HNRNPA2B1: variants seen among roughly 807,000 people sequenced by gnomAD.
The protein encoded by HNRNPA2B1 is heterogeneous nuclear ribonucleoproteins A2/B1.
Under a neutral mutation model 46.3 loss-of-function variants are expected in HNRNPA2B1, and 3 were observed. The observed-to-expected ratio is 0.06, with a 90% CI of 0.03 to 0.17. The LOEUF (loss-of-function observed/expected upper bound fraction) is 0.17. Among genes scored for constraint, HNRNPA2B1 ranks in the 10% least tolerant of loss-of-function variants. HNRNPA2B1 has a pLI of 1.00. For missense variants in HNRNPA2B1, 221 were observed against 418.9 expected (o/e 0.53, Z 4.12); for synonymous variants, 225 against 133.8 (o/e 1.68, Z -4.70).
At chr7:26,200,310 G>C (rs1784266102) in intron 1 of HNRNPA2B1, 2 of 543,146 alleles carry the variant, frequency 3.7e-6, no homozygotes, top group Non-Finnish European at 6.6e-6. Context: ...TTTCACCCCA[G>C]CGGGGCAGCG....
At chr7:26,193,193 A>T in intron 9 of HNRNPA2B1, 58 bp downstream of exon 9, 1 of 1,534,230 alleles carries the variant, frequency 6.5e-7, no homozygotes, top group Non-Finnish European at 8.9e-7. Flanking sequence ...CCTTTAAGTC[A>T]CAAAAGGCTA....
intron 1 of HNRNPA2B1, chr7:26,199,496 A>G (rs1784095244): frequency 6.6e-6 from 1 of 152,240 alleles, no homozygotes; most frequent in South Asian, 2.1e-4. Context: ...TTTCCTCGTA[A>G]TCATCTATAA....
Position 26,200,242 on chromosome 7 carries a change from G to A in HNRNPA2B1, c.6+330C>T, listed in dbSNP as rs753568625. On this transcript the variant is annotated intron_variant, in intron 1 of 10. Transcript: ENST00000618183. ...GAAACGCTCGCCGAGGAGACGCCGTGGCCCCCGAAGCAGCGTGCTTTAGAA... is the reference window on the plus strand; with the variant it reads ...GAAACGCTCGCCGAGGAGACGCCGTAGCCCCCGAAGCAGCGTGCTTTAGAA... 261 of 334,436 alleles carry A rather than the reference G, an allele frequency of 7.8e-4. 1 individual carries two copies. Among genetic ancestry groups the A allele is most frequent in the Non-Finnish European group, 1.2e-3 (207 of 177,792 alleles). The allele number at this position is 334,436 out of a possible 1,614,324, so 20.7% of individuals were successfully genotyped here. A position where few individuals can be genotyped will look rare whatever the true frequency, so the allele number is the denominator to read the frequency against.
Position 26,195,881 on chromosome 7 carries a change from C to G in HNRNPA2B1, c.687G>C (p.Gly229=). The G allele has an allele frequency of 6.2e-7, 1 of 1,609,880 alleles. No homozygotes were observed. Among genetic ancestry groups the G allele is most frequent in the Non-Finnish European group, 8.5e-7 (1 of 1,178,770 alleles). The change falls in exon 7 of 11, where the codon GGG becomes GGC. Residue 229 remains glycine, a synonymous_variant. Transcript: ENST00000618183. ...CTCCTCCATACCCATTATAGCCATCCCCAAATCCACGTCCACTGCCATATC... is the reference window on the plus strand; with the variant it reads ...CTCCTCCATACCCATTATAGCCATCGCCAAATCCACGTCCACTGCCATATC... ...SDGYGSGRGF[G]DGYNGYGGGP...
rs1783751889 is a variant in HNRNPA2B1 at position 26,197,253 on chromosome 7, T to A, written c.264+62A>T. ...GTTAAAACTAAATTCAGAAATAGTT[T>A]CTGATTTTCAGCAGGGCAGCGTTCT... On this transcript the variant is annotated intron_variant, in intron 3 of 10. Coordinates refer to ENST00000618183, the MANE Select transcript of HNRNPA2B1 (RefSeq NM_002137.4). 19 of 1,511,164 alleles carry A rather than the reference T, an allele frequency of 1.3e-5. No individual in the cohort carries two copies. In the South Asian group the frequency reaches 2.3e-4, roughly 18 times the overall value. 93.6% of individuals were successfully genotyped at this position (1,511,164 alleles called of 1,614,324 possible).
At chr7:26,193,716 A>G (rs573649692) in intron 7 of HNRNPA2B1, 22 bp from the exon 8 acceptor site, 8 of 1,598,952 alleles carry the variant, frequency 5.0e-6, no homozygotes, top group African/African-American at 2.7e-5. Context: ...TAAGCCTTTA[A>G]GTAATCACTT....
rs1469208591 is a variant in HNRNPA2B1, at chr7:26,190,596, T to TAAA, written c.*1761_*1763dup. 6.6e-6 allele frequency: 1 copy of TAAA among 152,198 alleles called. No individual in the cohort carries two copies. The highest frequency in any genetic ancestry group is 6.5e-5 in the Admixed American group (1 of 15,278). 9.4% of individuals were successfully genotyped at this position (152,198 alleles called of 1,614,324 possible). ...GTAAGCCCTGAGTATCACATTCCTG[T>TAAA]AAAGGCAATAAAGCCGGGCAATCAA... is the stretch of plus-strand genomic sequence containing the variant. On this transcript the variant is annotated 3_prime_UTR_variant, in exon 11 of 11. Transcript: ENST00000618183.
intron 7 of HNRNPA2B1, among the ~76,000 whole-genome samples, chr7:26,194,945 T>A (rs1438473125): frequency 2.6e-5 from 4 of 151,104 alleles, no homozygotes; most frequent in Non-Finnish European, 5.9e-5. Flanking sequence ...AATACTAAAA[T>A]TAGCTGGGCG....
At chr7:26,193,441 T>TA (rs2128110117) in intron 8 of HNRNPA2B1, 68 bp from the exon 9 acceptor site, 1 of 1,541,682 alleles carries the variant, frequency 6.5e-7, no homozygotes, top group South Asian at 1.2e-5. Context: ...AAAGCTCCCA[T>TA]AAAAACAAAT....
At chr7:26,193,076 C>T (rs1207309233) in intron 9 of HNRNPA2B1, among the ~76,000 whole-genome samples, 175 bp downstream of exon 9, 11 of 152,108 alleles carry the variant, frequency 7.2e-5, no homozygotes, top group African/African-American at 2.2e-4. Context: ...GATGTCATAA[C>T]TGCTTGCTGA....
chr7:26,199,133 T>C (rs972022044), intron 1 of HNRNPA2B1: 1 of 152,544 alleles, frequency 6.6e-6, no homozygotes, highest in Non-Finnish European at 1.5e-5. Context: ...ACGGATAATG[T>C]ACATTTATAA....
intron 6 of HNRNPA2B1, 103 bp downstream of exon 6, chr7:26,196,298 A>G: frequency 1.1e-6 from 1 of 944,850 alleles, no homozygotes; most frequent in Non-Finnish European, 1.6e-6. Flanking sequence ...AAGTCTTAGG[A>G]AAATTGACTT....
intron 1 of HNRNPA2B1, chr7:26,198,069 C>G: frequency 2.5e-6 from 1 of 401,230 alleles, no homozygotes; most frequent in Non-Finnish European, 4.4e-6. Flanking sequence ...AAATGTAGAC[C>G]GTGATTATCA....
chr7:26,200,416 C>T (rs894762168), intron 1 of HNRNPA2B1, 156 bp downstream of exon 1: 6 of 777,272 alleles, frequency 7.7e-6, no homozygotes, highest in African/African-American at 1.7e-5. Flanking sequence ...CTCAGGCCTC[C>T]GCTCAAGACC....
chr7:26,195,530 ACT>A (rs551713828), intron 7 of HNRNPA2B1, among the ~76,000 whole-genome samples: 4 of 152,184 alleles, frequency 2.6e-5, no homozygotes, highest in East Asian at 1.9e-4. Context: ...CTTAGGTTTT[ACT>A]CTGTTAAATC....
intron 1 of HNRNPA2B1, chr7:26,200,275 A>G (rs1784259486): frequency 4.4e-6 from 2 of 458,590 alleles, no homozygotes; most frequent in African/African-American, 4.0e-5. Flanking sequence ...GAAAGGGAAT[A>G]AGAATTCCCG....
rs1431912129 is a variant in HNRNPA2B1, at chr7:26,190,795, G to C, written c.*1565C>G. 6.6e-6 allele frequency: 1 copy of C among 152,224 alleles called. No individual in the cohort carries two copies. Among genetic ancestry groups the C allele is most frequent in the African/African-American group, 2.4e-5 (1 of 41,442 alleles). The allele number at this position is 152,224 out of a possible 1,614,324, so 9.4% of individuals were successfully genotyped here. ...AAGTATGAACTACTATCTGAAAATA[G>C]ATTCAACCATTTTTGCCCTACCTTC... On this transcript the variant is annotated 3_prime_UTR_variant, in exon 11 of 11. Coordinates refer to ENST00000618183, the MANE Select transcript of HNRNPA2B1 (RefSeq NM_002137.4).
chr7:26,198,688 G>A (rs187871147), intron 1 of HNRNPA2B1: 6 of 152,354 alleles, frequency 3.9e-5, no homozygotes, highest in Non-Finnish European at 7.4e-5. Flanking sequence ...GGGCACTTAT[G>A]AATGTTAAGG....
At chr7:26,200,319 C>T (rs1019379638) in intron 1 of HNRNPA2B1, 12 of 556,306 alleles carry the variant, frequency 2.2e-5, no homozygotes, top group Admixed American at 1.9e-4. Flanking sequence ...AGCGGGGCAG[C>T]GTCCGCCATG....
Sources: gnomAD v4.1 joint callset for allele counts (sites outside exome capture counted in the v4.1 genomes callset) on GRCh38, gnomAD v4.1.1 for gene constraint, MANE v1.5 for transcripts, NCBI Gene and HGNC (gene_info 2026-07-23, HGNC 2026-07-21) for gene names.